TECR: variants seen among roughly 807,000 people sequenced by gnomAD.
The protein encoded by TECR is very-long-chain enoyl-CoA reductase.
TECR carries 19 observed loss-of-function variants against 50.6 expected under a neutral mutation model. The ratio of observed to expected loss-of-function variants is 0.38; its 90% CI spans 0.26 to 0.55. TECR has a LOEUF of 0.55. Among genes scored for constraint, TECR ranks in the 20% least tolerant of loss-of-function variants. The probability of loss-of-function intolerance (pLI) is 0.79; values close to 1 mark genes in which losing one functional copy is unlikely to be tolerated. For missense variants in TECR, 313 were observed against 408.3 expected (o/e 0.77, Z 2.01); for synonymous variants, 168 against 163.5 (o/e 1.03, Z -0.21).
intron 1 of TECR, among the ~76,000 whole-genome samples, chr19:14,550,704 G>A (rs1254498656): frequency 6.6e-6 from 1 of 152,068 alleles, no homozygotes; most frequent in Non-Finnish European, 1.5e-5. Flanking sequence ...TTTTTTAGAT[G>A]GAGTCTTGCT....
At chr19:14,549,706 A>C (rs1484140592) in intron 1 of TECR, among the ~76,000 whole-genome samples, 1 of 151,820 alleles carries the variant, frequency 6.6e-6, no homozygotes, top group Non-Finnish European at 1.5e-5. Flanking sequence ...GCACTTAGGG[A>C]GGCTTAGGCG....
chr19:14,541,932 G>A (rs570611978), intron 1 of TECR, among the ~76,000 whole-genome samples: 3 of 151,866 alleles, frequency 2.0e-5, no homozygotes, highest in East Asian at 1.9e-4. Flanking sequence ...ACCAGCTAAC[G>A]TGCCACCACG....
rs201028166 is a variant in TECR at position 14,565,676 on chromosome 19, C to T, written c.799+13C>T. ...CAGTGTCTCCCAGGTGAGCCTGCCGCCCTCCCTCGGCGGGGCCCTGCCCCT... is the reference window on the plus strand; with the variant it reads ...CAGTGTCTCCCAGGTGAGCCTGCCGTCCTCCCTCGGCGGGGCCCTGCCCCT... On this transcript the variant is annotated intron_variant, in intron 12 of 12. Transcript: ENST00000215567. 4.3e-5 allele frequency: 69 copies of T among 1,612,350 alleles called. No homozygotes were observed. In the East Asian group the frequency reaches 1.5e-3, roughly 34 times the overall value.
At chr19:14,537,682 G>A (rs2072950310) in intron 1 of TECR, among the ~76,000 whole-genome samples, 1 of 152,028 alleles carries the variant, frequency 6.6e-6, no homozygotes. Context: ...CATTTCCTGC[G>A]GCAGCCAGAA....
chr19:14,565,533 G>A (rs2074053379), intron 11 of TECR, 85 bp from the exon 12 acceptor site: 2 of 1,543,202 alleles, frequency 1.3e-6, no homozygotes, highest in South Asian at 1.2e-5. Flanking sequence ...AAGCAGGGGC[G>A]GCGGGAGGTG....
In TECR at chr19:14,563,436, T is replaced by C; in HGVS notation, c.118+179T>C. The C allele has an allele frequency of 1.2e-6, 1 of 818,370 alleles. No individual in the cohort carries two copies. The highest frequency in any genetic ancestry group is 2.0e-6 in the Non-Finnish European group (1 of 501,834). 50.7% of individuals were successfully genotyped at this position (818,370 alleles called of 1,614,324 possible). ...CACGTGGCACTCCGCAGGAACGCCC[T>C]TGCTAGGCTCTGGGAAGGACAAGAT... On this transcript the variant is annotated intron_variant, in intron 3 of 12. Transcript: ENST00000215567. The surrounding 1 kb of genome is among the most constrained non-coding windows in gnomAD (Gnocchi z 5.3).
rs138132855 is a variant in TECR, at chr19:14,557,825, G to A, written c.16-4700G>A. ...GGCTGGAGTGCAGTGGCGCGATCTC[G>A]GTTCACTGCAAGCTCTGCCTCCCGG... On this transcript the variant is annotated intron_variant, in intron 1 of 12. Coordinates refer to ENST00000215567, the MANE Select transcript of TECR (RefSeq NM_138501.6). 2.8e-3 allele frequency among the ~76,000 whole-genome samples: 424 copies of A among 150,342 alleles called. 2 individuals carry two copies. The highest frequency in any genetic ancestry group is 3.5e-3 in the Non-Finnish European group (236 of 67,636).
intron 11 of TECR, 107 bp downstream of exon 11, chr19:14,565,397 A>C: frequency 6.9e-7 from 1 of 1,456,564 alleles, no homozygotes. Flanking sequence ...TGCCGCCTGC[A>C]CTGCGAGCAT....
intron 1 of TECR, among the ~76,000 whole-genome samples, chr19:14,559,745 C>T (rs1170288557): frequency 6.6e-6 from 1 of 151,218 alleles, no homozygotes; most frequent in Admixed American, 6.6e-5. Context: ...CAAGATCGCA[C>T]TGCTGCACTC....
Position 14,564,854 on chromosome 19 carries a change from C to T in TECR, c.558C>T (p.Pro186=), listed in dbSNP as rs1400988765. The T allele has an allele frequency of 2.5e-6, 4 of 1,614,006 alleles. No homozygotes were observed. Among genetic ancestry groups the T allele is most frequent in the Admixed American group, 1.7e-5 (1 of 60,018 alleles). Residue 186 remains proline (P), a synonymous_variant, in exon 8 of 13, where the codon CCC becomes CCT. Coordinates refer to ENST00000215567, the MANE Select transcript of TECR (RefSeq NM_138501.6). ...AYYINHPLYT[P]PTYGAQQVKL... The stretch of plus-strand genomic sequence containing the variant: ...ACATCAATCACCCTCTCTACACTCC[C>T]CCTAGTAAGTGGCCTCAGACCATCC...
At chr19:14,564,729 A>T in intron 7 of TECR, 57 bp from the exon 8 acceptor site, 2 of 1,462,966 alleles carry the variant, frequency 1.4e-6, no homozygotes, top group South Asian at 2.3e-5. Context: ...AGACATGGGC[A>T]GCATCTGCCT....
At position 14,544,683 on chromosome 19, in the gene TECR, G is replaced by T. The variant is rs549861595; in HGVS notation, c.15+14972G>T. On this transcript the variant is annotated intron_variant, in intron 1 of 12. Coordinates refer to ENST00000215567, the MANE Select transcript of TECR (RefSeq NM_138501.6). Reference sequence around the variant, plus strand: ...GGGTCTCACTCTGTCGCCCATGCTGGAGTGCAGTGGCACGATCACGGCTCC... The same window carrying T: ...GGGTCTCACTCTGTCGCCCATGCTGTAGTGCAGTGGCACGATCACGGCTCC... Among the ~76,000 whole-genome samples the T allele has an allele frequency of 8.0e-5, 12 of 150,210 alleles. No homozygotes were observed. The East Asian group carries it at 1.8e-3, about 22-fold the overall frequency.
chr19:14,561,487 G>A (rs761515114), intron 1 of TECR, among the ~76,000 whole-genome samples: 3 of 152,164 alleles, frequency 2.0e-5, no homozygotes, highest in Non-Finnish European at 4.4e-5. Flanking sequence ...GGCTCAGGGA[G>A]GGCTGGGCCA....
At chr19:14,558,404 CT>C (rs1180431166) in intron 1 of TECR, among the ~76,000 whole-genome samples, 1 of 152,234 alleles carries the variant, frequency 6.6e-6, no homozygotes, top group Non-Finnish European at 1.5e-5. Context: ...AACCTCGCCC[CT>C]GCTCCCTCTT....
At chr19:14,553,995 G>T (rs1850599409) in intron 1 of TECR, among the ~76,000 whole-genome samples, 2 of 152,172 alleles carry the variant, frequency 1.3e-5, no homozygotes. Context: ...GCAGTCCCCT[G>T]CGGGGTCCGA....
At position 14,529,700 on chromosome 19, in the gene TECR, A is replaced by G; in HGVS notation, c.4A>G (p.Lys2Glu). The G allele has an allele frequency of 6.2e-7, 1 of 1,614,104 alleles. No homozygotes were observed. The highest frequency in any genetic ancestry group is 8.5e-7 in the Non-Finnish European group (1 of 1,180,032). The change falls in exon 1 of 13, where the codon AAG becomes GAG. Residue 2 changes from lysine to glutamate, a missense_variant. Coordinates refer to ENST00000215567, the MANE Select transcript of TECR (RefSeq NM_138501.6). The stretch of plus-strand genomic sequence containing the variant: ...GTAGCCGCCGTGGGAGGGAGCCATG[A>G]AGCATTACGAGGTAAGAAGCGAGAA... M[K>E]HYEVEILDAK...
At chr19:14,546,925 A>G (rs1367113117) in intron 1 of TECR, among the ~76,000 whole-genome samples, 1 of 152,086 alleles carries the variant, frequency 6.6e-6, no homozygotes, top group Non-Finnish European at 1.5e-5. Flanking sequence ...CCTGACCTCA[A>G]GTGATCTGAT....
chr19:14,547,040 C>T (rs2080486719), intron 1 of TECR, among the ~76,000 whole-genome samples: 1 of 152,138 alleles, frequency 6.6e-6, no homozygotes, highest in Non-Finnish European at 1.5e-5. Flanking sequence ...GTAATCAGTG[C>T]TAACCTTCAG....
chr19:14,563,387 G>T lies in TECR; in HGVS notation c.118+130G>T, dbSNP rs1470036025. The T allele has an allele frequency of 3.1e-6, 3 of 970,850 alleles. No individual in the cohort carries two copies. The highest frequency in any genetic ancestry group is 4.8e-6 in the Non-Finnish European group (3 of 620,950). 60.1% of individuals were successfully genotyped at this position (970,850 alleles called of 1,614,324 possible). A position where few individuals can be genotyped will look rare whatever the true frequency, so the allele number is the denominator to read the frequency against. ...TGCCCCAGTGTGGCCCAGGCTTCTG[G>T]GGCGTGACTGGGGCAGGCGCCTCCA... On this transcript the variant is annotated intron_variant, in intron 3 of 12. Coordinates refer to ENST00000215567, the MANE Select transcript of TECR (RefSeq NM_138501.6). The surrounding 1 kb of genome is among the most constrained non-coding windows in gnomAD (Gnocchi z 5.3).
Sources: gnomAD v4.1 joint callset for allele counts (sites outside exome capture counted in the v4.1 genomes callset) on GRCh38, gnomAD v4.1.1 for gene constraint, Gnocchi (gnomAD v3.1) non-coding constraint, MANE v1.5 for transcripts, NCBI Gene and HGNC (gene_info 2026-07-23, HGNC 2026-07-21) for gene names.